MACROD2: variants seen among roughly 807,000 people sequenced by gnomAD.
The protein encoded by MACROD2 is mono-ADP ribosylhydrolase 2, also known as ADP-ribose glycohydrolase MACROD2.
MACROD2 carries 36 observed loss-of-function variants against 70.4 expected under a neutral mutation model. The ratio of observed to expected loss-of-function variants is 0.51; its 90% CI spans 0.39 to 0.68. MACROD2 has a LOEUF of 0.68. MACROD2 is among the 30% of genes least tolerant of loss of function. MACROD2 has a pLI of 0.00. For missense variants in MACROD2, 496 were observed against 538.4 expected (o/e 0.92, Z 0.78); for synonymous variants, 172 against 178.8 (o/e 0.96, Z 0.30).
intron 3 of MACROD2, among the ~76,000 whole-genome samples, chr20:14,198,416 A>C (rs528712820): frequency 2.0e-5 from 3 of 152,344 alleles, no homozygotes; most frequent in South Asian, 4.1e-4. Context: ...TTGATGTATC[A>C]ATTATATTAG....
intron 3 of MACROD2, among the ~76,000 whole-genome samples, chr20:14,144,649 G>A (rs992842357): frequency 6.6e-6 from 1 of 152,206 alleles, no homozygotes; most frequent in Non-Finnish European, 1.5e-5. Context: ...ATAATTTTAA[G>A]TTCTATAGTA....
At chr20:14,462,888 G>A (rs75835275) in intron 3 of MACROD2, among the ~76,000 whole-genome samples, 22,527 of 151,524 alleles carry the variant, frequency 0.15, 2,345 homozygotes, top group Non-Finnish European at 0.21. Flanking sequence ...TGTTCCATTG[G>A]TCTATATCTC....
At chr20:15,119,486 G>C (rs1199466246) in intron 5 of MACROD2, among the ~76,000 whole-genome samples, 2 of 152,184 alleles carry the variant, frequency 1.3e-5, no homozygotes, top group African/African-American at 4.8e-5. Flanking sequence ...GGATGACACA[G>C]CATCCCACGG....
chr20:14,070,798 A>G (rs561500136), intron 2 of MACROD2, among the ~76,000 whole-genome samples: 3 of 152,134 alleles, frequency 2.0e-5, no homozygotes, highest in Non-Finnish European at 4.4e-5. Flanking sequence ...AGGGATTTCA[A>G]TATGGGGGAA....
chr20:14,498,917 G>C (rs1010418721), intron 4 of MACROD2, among the ~76,000 whole-genome samples: 9 of 152,204 alleles, frequency 5.9e-5, no homozygotes, highest in Non-Finnish European at 1.2e-4. Context: ...ACCTCCAGAT[G>C]TGGCTGGGCT....
chr20:14,038,999 G>A (rs2053353788), intron 2 of MACROD2, among the ~76,000 whole-genome samples: 2 of 152,092 alleles, frequency 1.3e-5, no homozygotes, highest in Non-Finnish European at 2.9e-5. Context: ...TTATCAGCAT[G>A]CTCTATGAAC....
At chr20:14,863,258 T>C (rs1009573426) in intron 5 of MACROD2, among the ~76,000 whole-genome samples, 2 of 152,096 alleles carry the variant, frequency 1.3e-5, no homozygotes, top group African/African-American at 4.8e-5. Context: ...TGTGGGCTCA[T>C]TGCACAGGCA....
intron 5 of MACROD2, among the ~76,000 whole-genome samples, chr20:14,999,378 G>A (rs1226191669): frequency 6.6e-6 from 1 of 152,186 alleles, no homozygotes; most frequent in Non-Finnish European, 1.5e-5. Flanking sequence ...GAACATATAG[G>A]CCAGGTGCCA....
intron 4 of MACROD2, among the ~76,000 whole-genome samples, chr20:14,533,529 C>G (rs2085330436): frequency 6.6e-6 from 1 of 151,954 alleles, no homozygotes; most frequent in Non-Finnish European, 1.5e-5. Context: ...AGTGGTGAAC[C>G]ATTTGATCTT....
At chr20:14,773,887 T>C (rs1368111962) in intron 5 of MACROD2, among the ~76,000 whole-genome samples, 1 of 152,080 alleles carries the variant, frequency 6.6e-6, no homozygotes, top group Non-Finnish European at 1.5e-5. Context: ...TATACTTACT[T>C]TTTGGTGTCA....
At chr20:14,984,774 T>C (rs2074833828) in intron 5 of MACROD2, among the ~76,000 whole-genome samples, 2 of 152,058 alleles carry the variant, frequency 1.3e-5, no homozygotes, top group African/African-American at 4.8e-5. Flanking sequence ...GTGGGGACTG[T>C]GTTGGGGAGA....
intron 3 of MACROD2, chr20:14,337,257 G>A (rs1044002355): frequency 1.8e-5 from 4 of 227,682 alleles, no homozygotes; most frequent in Middle Eastern, 1.4e-3. Context: ...TTCATTGCTG[G>A]CTTGCACGCA....
intron 4 of MACROD2, among the ~76,000 whole-genome samples, chr20:14,599,931 GA>G (rs1482789974): frequency 6.6e-6 from 1 of 152,050 alleles, no homozygotes; most frequent in East Asian, 1.9e-4. Context: ...AGCTATCACT[GA>G]GTAGGAACAG....
intron 5 of MACROD2, among the ~76,000 whole-genome samples, chr20:15,058,202 G>A (rs998202186): frequency 1.3e-5 from 2 of 151,864 alleles, no homozygotes; most frequent in Non-Finnish European, 2.9e-5. Context: ...TTTACTAGGG[G>A]GAGTCAAAAA....
intron 6 of MACROD2, among the ~76,000 whole-genome samples, chr20:15,245,205 A>G (rs561032453): frequency 6.6e-6 from 1 of 152,336 alleles, no homozygotes; most frequent in South Asian, 2.1e-4. Context: ...TCAAAATTCA[A>G]TCTCAGCTGT....
chr20:14,504,531 A>G (rs1052635049), intron 4 of MACROD2, among the ~76,000 whole-genome samples: 2 of 152,024 alleles, frequency 1.3e-5, no homozygotes, highest in African/African-American at 4.8e-5. Flanking sequence ...ATGTCTCTAA[A>G]CCTTCTTATT....
At chr20:15,772,101 AATATATAT>A (rs201468504) in intron 8 of MACROD2, among the ~76,000 whole-genome samples, 31 of 91,420 alleles carry the variant, frequency 3.4e-4, no homozygotes, top group Middle Eastern at 7.0e-3. Context: ...AAAAAAAAAA[AATATATAT>A]ATATATATAT....
intron 3 of MACROD2, among the ~76,000 whole-genome samples, chr20:14,374,772 T>C (rs1600174243): frequency 1.3e-5 from 2 of 152,268 alleles, no homozygotes; most frequent in East Asian, 1.9e-4. Flanking sequence ...TATTTATAAA[T>C]AGGTATCCTC....
intron 5 of MACROD2, among the ~76,000 whole-genome samples, chr20:15,031,391 T>TA (rs1198402177): frequency 6.6e-6 from 1 of 152,192 alleles, no homozygotes; most frequent in Non-Finnish European, 1.5e-5. Flanking sequence ...TCCTGCCATC[T>TA]GGTGGGTCTG....
Sources: allele counts gnomAD v4.1 joint callset (sites outside exome capture counted in the v4.1 genomes callset), GRCh38; gene constraint gnomAD v4.1.1; transcripts MANE v1.5; gene names NCBI Gene and HGNC (gene_info 2026-07-23, HGNC 2026-07-21).